STX6: variants seen among roughly 807,000 people sequenced by gnomAD.
The protein encoded by STX6 is syntaxin-6.
In STX6, 23 loss-of-function variants were observed where a neutral mutation model predicts 38.0. The observed-to-expected ratio is 0.60, with a 90% CI of 0.43 to 0.86. The LOEUF (loss-of-function observed/expected upper bound fraction) is 0.86. STX6 is among the 40% of genes least tolerant of loss of function. STX6 has a pLI of 0.00. For synonymous variants in STX6, 123 were observed against 107.5 expected (o/e 1.14, Z -0.89); for missense variants, 274 against 312.9 (o/e 0.88, Z 0.94).
chr1:181,006,628 T>G (rs1222913476), intron 1 of STX6, among the ~76,000 whole-genome samples: 1 of 152,092 alleles, frequency 6.6e-6, no homozygotes, highest in Non-Finnish European at 1.5e-5. Context: ...CCTTCTATGA[T>G]TTCTTCTGGA....
intron 6 of STX6, among the ~76,000 whole-genome samples, chr1:180,986,770 G>A (rs1427681451): frequency 6.6e-6 from 1 of 152,160 alleles, no homozygotes. Flanking sequence ...TGTGGAGAGG[G>A]AGTGGAGGTA....
chr1:181,002,600 C>T lies in STX6; in HGVS notation c.300+6G>A. ...ACAGATAACACAATAAGATCATATT[C>T]CTTACCCTGACAACTTGCCGAGTAC... is the stretch of plus-strand genomic sequence containing the variant. On this transcript the variant is annotated splice_donor_region_variant and intron_variant, in intron 3 of 7. Coordinates refer to ENST00000258301, the MANE Select transcript of STX6 (RefSeq NM_005819.6). The T allele has an allele frequency of 6.3e-7, 1 of 1,598,852 alleles. No homozygotes were observed.
intron 1 of STX6, 123 bp downstream of exon 1, chr1:181,022,516 T>G (rs1656768422): frequency 1.0e-6 from 1 of 976,948 alleles, no homozygotes; most frequent in East Asian, 2.6e-5. Context: ...CTAAGCCGTC[T>G]CCACTGTTCC....
At chr1:180,983,696 C>T (rs772433499) in intron 7 of STX6, among the ~76,000 whole-genome samples, 2 of 152,178 alleles carry the variant, frequency 1.3e-5, no homozygotes, top group Non-Finnish European at 2.9e-5. Context: ...TGTTGTTTTA[C>T]ATAAGTTCCC....
At chr1:181,002,478 A>C in intron 3 of STX6, 128 bp downstream of exon 3, 1 of 589,632 alleles carries the variant, frequency 1.7e-6, no homozygotes, top group Non-Finnish European at 2.9e-6. Flanking sequence ...TATATGGGGA[A>C]GCTCACATTT....
At chr1:181,018,199 C>T (rs893646204) in intron 1 of STX6, among the ~76,000 whole-genome samples, 1 of 151,794 alleles carries the variant, frequency 6.6e-6, no homozygotes, top group African/African-American at 2.4e-5. Flanking sequence ...GCCTGGCTAA[C>T]AGGGTGAAAT....
rs1364850469 is a variant in STX6, at chr1:181,005,438, C to T, written c.61G>A (p.Ala21Thr). 2 of 1,613,904 alleles carry T rather than the reference C, an allele frequency of 1.2e-6. No homozygotes were observed. The highest frequency in any genetic ancestry group is 1.7e-6 in the Non-Finnish European group (2 of 1,179,864). ...KGEVQKAVNT[A>T]QGLFQRWTEL... ...GTCCATCTCTGAAACAATCCCTGGGCAGTGTTGACTGCTTTCTGTACCTCT... is the reference window on the plus strand; with the variant it reads ...GTCCATCTCTGAAACAATCCCTGGGTAGTGTTGACTGCTTTCTGTACCTCT... The change falls in exon 2 of 8, where the codon GCC (alanine) becomes ACC (threonine). Residue 21 changes from alanine (A) to threonine (T), a missense_variant. Physicochemically the swap from Ala to Thr is moderately conservative, Grantham distance 58. Coordinates refer to ENST00000258301, the MANE Select transcript of STX6 (RefSeq NM_005819.6).
intron 1 of STX6, among the ~76,000 whole-genome samples, chr1:181,012,925 T>C (rs1261122413): frequency 6.6e-6 from 1 of 152,078 alleles, no homozygotes; most frequent in East Asian, 1.9e-4. Context: ...CCACCCACAT[T>C]GACCTCCCAA....
At chr1:181,007,132 G>C (rs1047315604) in intron 1 of STX6, among the ~76,000 whole-genome samples, 5 of 152,134 alleles carry the variant, frequency 3.3e-5, no homozygotes, top group African/African-American at 1.2e-4. Context: ...TATCCTTAGG[G>C]GATTGGTTCC....
At chr1:181,000,122 C>T (rs1042414082) in intron 3 of STX6, among the ~76,000 whole-genome samples, 1 of 152,170 alleles carries the variant, frequency 6.6e-6, no homozygotes, top group Non-Finnish European at 1.5e-5. Context: ...CAGCTTCCCC[C>T]AAAGGGGTCA....
At chr1:180,993,796 C>T (rs1655821579) in intron 3 of STX6, among the ~76,000 whole-genome samples, 1 of 152,174 alleles carries the variant, frequency 6.6e-6, no homozygotes, top group Admixed American at 6.5e-5. Context: ...TCCAAAAAGA[C>T]GATGATACTT....
chr1:180,995,307 C>T (rs1413244664), intron 3 of STX6, among the ~76,000 whole-genome samples: 4 of 152,126 alleles, frequency 2.6e-5, no homozygotes, highest in African/African-American at 7.2e-5. Flanking sequence ...ATGAGACCTA[C>T]GAAGTCAGAC....
chr1:180,996,356 A>T (rs1414056030), intron 3 of STX6, among the ~76,000 whole-genome samples: 1 of 152,240 alleles, frequency 6.6e-6, no homozygotes, highest in Non-Finnish European at 1.5e-5. Flanking sequence ...GCTTATGAAG[A>T]GAGTTCAGTG....
Position 181,022,622 on chromosome 1 carries a change from G to C in STX6, c.35+17C>G, listed in dbSNP as rs113299038. On this transcript the variant is annotated intron_variant, in intron 1 of 7. Transcript: ENST00000258301. ...CCGCCACCTCTTCCTCCGGTGGAGC[G>C]CTCGGCCGACACTCACCCTTTCACC... 2.2e-3 allele frequency: 3,602 copies of C among 1,606,462 alleles called. 66 individuals are homozygous for C. In the African/African-American group the frequency reaches 0.039, roughly 17 times the overall value.
chr1:180,977,893 A>C (rs561398892), intron 7 of STX6, among the ~76,000 whole-genome samples: 17 of 152,332 alleles, frequency 1.1e-4, no homozygotes, highest in African/African-American at 3.8e-4. Flanking sequence ...CCAAATTATA[A>C]GTAAAGCAAG....
Position 180,988,227 on chromosome 1 carries a change from C to A in STX6, c.596+12G>T. On this transcript the variant is annotated intron_variant, in intron 6 of 7. Transcript: ENST00000258301. ...AATTTCACTGAAGCGAGAGGGGTGT[C>A]TCAATACTCACACTGCCTGTTCCTC... 2 of 1,606,196 alleles carry A rather than the reference C, an allele frequency of 1.2e-6. No homozygotes were observed. Among genetic ancestry groups the A allele is most frequent in the Non-Finnish European group, 1.7e-6 (2 of 1,172,982 alleles).
chr1:180,999,483 G>A (rs1048125000), intron 3 of STX6, among the ~76,000 whole-genome samples: 2 of 152,126 alleles, frequency 1.3e-5, no homozygotes, highest in Admixed American at 6.6e-5. Context: ...ACACAAAAAT[G>A]TGAGTATTTT....
In STX6 at chr1:181,002,700, C is replaced by G. The variant is rs776504795; in HGVS notation, c.206G>C (p.Ser69Thr). The G allele has an allele frequency of 6.2e-7, 1 of 1,608,488 alleles. No individual in the cohort carries two copies. Among genetic ancestry groups the G allele is most frequent in the Non-Finnish European group, 8.5e-7 (1 of 1,175,478 alleles). Reference protein sequence around the residue: ...WDLEDLDETISIVEANPRKFN... With the variant: ...WDLEDLDETITIVEANPRKFN... ...TTTTCTAGGATTTGCTTCAACTATG[C>G]GTAGGTCAAAAAGTCAAGGTAAAAC... Residue 69 changes from serine to threonine, a missense_variant and splice_region_variant, in exon 3 of 8, where the codon AGC (serine) becomes ACC (threonine). By Grantham distance (58) the Ser-to-Thr change is moderately conservative. Coordinates refer to ENST00000258301, the MANE Select transcript of STX6 (RefSeq NM_005819.6).
chr1:180,993,287 G>C (rs1655805028), intron 4 of STX6, 76 bp downstream of exon 4: 1 of 876,068 alleles, frequency 1.1e-6, no homozygotes, highest in South Asian at 1.4e-5. Flanking sequence ...ATCCATGGAT[G>C]GTCAGCATTT....
Sources: allele counts gnomAD v4.1 joint callset (sites outside exome capture counted in the v4.1 genomes callset), GRCh38; gene constraint gnomAD v4.1.1; transcripts MANE v1.5; gene names NCBI Gene and HGNC (gene_info 2026-07-23, HGNC 2026-07-21).